The following CTNNA3 variants were observed in gnomAD, a reference collection of about 807,000 sequenced individuals.
CTNNA3 encodes the protein catenin alpha-3.
Under a neutral mutation model 95.7 loss-of-function variants are expected in CTNNA3, and 76 were observed. The ratio of observed to expected loss-of-function variants is 0.79; its 90% CI spans 0.66 to 0.96. CTNNA3 has a LOEUF of 0.96. Ranked by LOEUF, CTNNA3 falls within the 40% of genes least tolerant of loss-of-function variation. The probability of loss-of-function intolerance (pLI) is 0.00; values close to 1 mark genes in which losing one functional copy is unlikely to be tolerated. For missense variants in CTNNA3, 1,191 were observed against 1,089.8 expected (o/e 1.09, Z -1.31); for synonymous variants, 431 against 374.4 (o/e 1.15, Z -1.74).
chr10:67,093,285 G>A (rs1435725932), intron 7 of CTNNA3, among the ~76,000 whole-genome samples: 1 of 151,842 alleles, frequency 6.6e-6, no homozygotes, highest in African/African-American at 2.4e-5. Context: ...TAGGGTAACT[G>A]TTTATTTTAT....
rs550908125 is a variant in CTNNA3 at position 66,326,743 on chromosome 10, T to C, written c.1733-46122A>G. 9.9e-5 allele frequency among the ~76,000 whole-genome samples: 15 copies of C among 152,160 alleles called. No individual in the cohort carries two copies. The South Asian group carries it at 2.9e-3, about 29-fold the overall frequency. Reference sequence around the variant, plus strand: ...CAGACCAGAAAGGGTGCTAGCAGATTGTTGCAACTTCTTTTTGTTTAATCA... The same window carrying C: ...CAGACCAGAAAGGGTGCTAGCAGATCGTTGCAACTTCTTTTTGTTTAATCA... On this transcript the variant is annotated intron_variant, in intron 12 of 17. Transcript: ENST00000433211.
intron 11 of CTNNA3, among the ~76,000 whole-genome samples, chr10:66,515,961 A>G (rs571698493): frequency 1.3e-5 from 2 of 151,746 alleles, no homozygotes; most frequent in East Asian, 3.9e-4. Context: ...GTTATTTGCT[A>G]TTAAACACAT....
At chr10:66,257,627 C>A (rs966615361) in intron 13 of CTNNA3, among the ~76,000 whole-genome samples, 12 of 152,220 alleles carry the variant, frequency 7.9e-5, no homozygotes, top group Admixed American at 6.5e-4. Context: ...CTCTTGTATT[C>A]ATTCAGCTTC....
intron 7 of CTNNA3, among the ~76,000 whole-genome samples, chr10:67,072,354 T>C (rs1856511340): frequency 1.3e-5 from 2 of 152,234 alleles, no homozygotes; most frequent in Admixed American, 1.3e-4. Context: ...ACCTGTAATA[T>C]CTGGATCATC....
intron 1 of CTNNA3, among the ~76,000 whole-genome samples, chr10:67,705,294 C>T (rs377526510): frequency 1.3e-5 from 2 of 151,742 alleles, no homozygotes; most frequent in East Asian, 1.9e-4. Flanking sequence ...ACCCAAAGGA[C>T]TATAAATCAT....
At chr10:66,264,226 A>G (rs1292039130) in intron 13 of CTNNA3, among the ~76,000 whole-genome samples, 1 of 151,974 alleles carries the variant, frequency 6.6e-6, no homozygotes, top group Non-Finnish European at 1.5e-5. Flanking sequence ...AGATTCCTCC[A>G]AGTCTTCCTT....
chr10:66,501,149 C>T (rs1840264815), intron 11 of CTNNA3, among the ~76,000 whole-genome samples: 1 of 151,972 alleles, frequency 6.6e-6, no homozygotes, highest in Non-Finnish European at 1.5e-5. Context: ...TATGAAGAAC[C>T]AGATTGAAAT....
At chr10:67,154,199 T>C (rs1344907462) in intron 7 of CTNNA3, among the ~76,000 whole-genome samples, 1 of 152,228 alleles carries the variant, frequency 6.6e-6, no homozygotes, top group Non-Finnish European at 1.5e-5. Context: ...AAGAGTAAAA[T>C]GTTAGCATGT....
intron 7 of CTNNA3, among the ~76,000 whole-genome samples, chr10:67,080,395 CA>C (rs767403386): frequency 1.3e-5 from 2 of 152,246 alleles, no homozygotes; most frequent in South Asian, 4.1e-4. Flanking sequence ...GTCAGGAACA[CA>C]TTTAAATAAA....
At chr10:66,382,690 C>G (rs1300263329) in intron 11 of CTNNA3, among the ~76,000 whole-genome samples, 1 of 152,146 alleles carries the variant, frequency 6.6e-6, no homozygotes. Context: ...TAGAGGCCAA[C>G]AGACACCTCA....
chr10:67,381,659 T>C (rs1386707899), intron 5 of CTNNA3, among the ~76,000 whole-genome samples: 1 of 152,208 alleles, frequency 6.6e-6, no homozygotes, highest in Non-Finnish European at 1.5e-5. Flanking sequence ...GAAGTTCCTG[T>C]TATCTGTGTA....
intron 9 of CTNNA3, among the ~76,000 whole-genome samples, chr10:66,638,443 G>A (rs879825823): frequency 3.3e-5 from 5 of 149,592 alleles, no homozygotes; most frequent in East Asian, 4.1e-4. Context: ...CCACCCCTCC[G>A]CCGCCCCAAC....
rs768424414 is a variant in CTNNA3 at position 66,614,486 on chromosome 10, C to A, written c.1374+7206G>T. Among the ~76,000 whole-genome samples the A allele has an allele frequency of 2.9e-4, 44 of 152,042 alleles. 2 individuals are homozygous for A. Among genetic ancestry groups the A allele is most frequent in the Non-Finnish European group, 5.6e-4 (38 of 67,908 alleles). On this transcript the variant is annotated intron_variant, in intron 10 of 17. Transcript: ENST00000433211. ...GAATACAAGTGATCTCCAGTGCATG[C>A]CCTAGCCCAAATACTTTGTTCTTTT...
intron 13 of CTNNA3, among the ~76,000 whole-genome samples, chr10:66,178,416 T>C (rs1356162051): frequency 1.9e-5 from 1 of 51,536 alleles, no homozygotes; most frequent in African/African-American, 9.9e-5. Flanking sequence ...TATATATATA[T>C]ATATATATAT....
intron 8 of CTNNA3, among the ~76,000 whole-genome samples, chr10:66,772,491 G>C (rs2132811959): frequency 6.6e-6 from 1 of 151,302 alleles, no homozygotes; most frequent in South Asian, 2.1e-4. Context: ...TGATGAGGAG[G>C]ACACAACACT....
At chr10:66,604,071 T>C (rs1844027141) in intron 10 of CTNNA3, among the ~76,000 whole-genome samples, 2 of 151,744 alleles carry the variant, frequency 1.3e-5, no homozygotes, top group African/African-American at 4.8e-5. Context: ...AAAGCAAAAA[T>C]AGACCAATGG....
intron 9 of CTNNA3, among the ~76,000 whole-genome samples, chr10:66,750,318 A>G (rs768377524): frequency 3.9e-5 from 6 of 152,112 alleles, no homozygotes; most frequent in Non-Finnish European, 8.8e-5. Context: ...ATTTTCTCCT[A>G]TGTTATCTTC....
intron 11 of CTNNA3, among the ~76,000 whole-genome samples, chr10:66,386,242 C>G (rs1029556752): frequency 6.6e-6 from 1 of 152,166 alleles, no homozygotes; most frequent in African/African-American, 2.4e-5. Flanking sequence ...GCAACTTCAG[C>G]AAAGTCTCAG....
At chr10:66,073,704 C>T (rs1047046947) in intron 14 of CTNNA3, among the ~76,000 whole-genome samples, 3 of 151,940 alleles carry the variant, frequency 2.0e-5, no homozygotes, top group Admixed American at 2.0e-4. Flanking sequence ...TTAATATTCT[C>T]CTTTGTTTTA....
Sources: gnomAD v4.1 joint callset for allele counts (sites outside exome capture counted in the v4.1 genomes callset) on GRCh38, gnomAD v4.1.1 for gene constraint, MANE v1.5 for transcripts, NCBI Gene and HGNC (gene_info 2026-07-23, HGNC 2026-07-21) for gene names.